Variants in SUGCT observed in about 807,000 individuals in gnomAD.
SUGCT encodes succinyl-CoA:glutarate-CoA transferase, also known as succinyl-CoA:glutarate CoA-transferase.
A neutral mutation model predicts 55.0 loss-of-function variants in SUGCT; 41 were observed. The observed-to-expected ratio is 0.74, with a 90% CI of 0.58 to 0.97. The LOEUF is 0.97. SUGCT is among the 50% of genes least tolerant of loss of function. The pLI is 0.00. For synonymous variants in SUGCT, 187 were observed against 200.4 expected (o/e 0.93, Z 0.56); for missense variants, 568 against 547.8 (o/e 1.04, Z -0.37).
intron 13 of SUGCT, among the ~76,000 whole-genome samples, chr7:40,856,023 A>G (rs1794150569): frequency 1.3e-5 from 2 of 152,224 alleles, no homozygotes; most frequent in South Asian, 2.1e-4. Context: ...TCTTAGTCCT[A>G]TTTCTAGTCC....
chr7:40,336,353 A>T (rs908120382), intron 9 of SUGCT, among the ~76,000 whole-genome samples: 2 of 152,180 alleles, frequency 1.3e-5, no homozygotes, highest in African/African-American at 4.8e-5. Flanking sequence ...CTCTGGTAGA[A>T]TTCGGCTGTG....
chr7:40,552,356 A>G (rs1795342415), intron 12 of SUGCT, among the ~76,000 whole-genome samples: 1 of 152,058 alleles, frequency 6.6e-6, no homozygotes, highest in Non-Finnish European at 1.5e-5. Flanking sequence ...TTCCTGTTGC[A>G]TGCTTTTTTC....
rs185072028 is a variant in SUGCT at position 40,406,871 on chromosome 7, A to G, written c.817-42416A>G. 1.1e-4 allele frequency among the ~76,000 whole-genome samples: 16 copies of G among 152,288 alleles called. No homozygotes were observed. The East Asian group carries it at 3.1e-3, about 29-fold the overall frequency. On this transcript the variant is annotated intron_variant, in intron 9 of 13. Coordinates refer to ENST00000335693, the MANE Select transcript of SUGCT (RefSeq NM_001193313.2). ...ACAGCTGAGAGAATTCTGAATTTTT[A>G]CAATGATCATTTGGCATGGGACTAG...
intron 8 of SUGCT, among the ~76,000 whole-genome samples, chr7:40,292,251 G>T (rs1256238715): frequency 6.6e-6 from 1 of 152,074 alleles, no homozygotes; most frequent in Non-Finnish European, 1.5e-5. Flanking sequence ...TATATTTTAG[G>T]TGGATTTTCA....
chr7:40,343,932 A>G (rs1797183740), intron 9 of SUGCT, among the ~76,000 whole-genome samples: 1 of 152,230 alleles, frequency 6.6e-6, no homozygotes, highest in Non-Finnish European at 1.5e-5. Context: ...CTGGGATTAC[A>G]GGCGTGAGTC....
At chr7:40,214,623 T>C (rs763240678) in intron 6 of SUGCT, among the ~76,000 whole-genome samples, 3 of 151,938 alleles carry the variant, frequency 2.0e-5, no homozygotes, top group Non-Finnish European at 4.4e-5. Flanking sequence ...TCAGTGAAAG[T>C]AGAAATTATG....
chr7:40,526,612 G>T (rs897375773), intron 12 of SUGCT, among the ~76,000 whole-genome samples: 3 of 152,154 alleles, frequency 2.0e-5, no homozygotes, highest in Non-Finnish European at 4.4e-5. Flanking sequence ...AGAACCAGTG[G>T]TTTGGGAGGG....
At chr7:40,465,656 A>G (rs1406801294) in intron 11 of SUGCT, among the ~76,000 whole-genome samples, 1 of 152,082 alleles carries the variant, frequency 6.6e-6, no homozygotes, top group Non-Finnish European at 1.5e-5. Context: ...TAAGTTGATC[A>G]TTTTTAAAAT....
chr7:40,473,811 T>C (rs761172244), intron 11 of SUGCT, among the ~76,000 whole-genome samples: 7 of 152,186 alleles, frequency 4.6e-5, no homozygotes, highest in Non-Finnish European at 1.0e-4. Context: ...AGTTTTATAA[T>C]TTGGTGCATG....
chr7:40,627,230 C>T (rs1799564872), intron 12 of SUGCT, among the ~76,000 whole-genome samples: 2 of 152,296 alleles, frequency 1.3e-5, no homozygotes, highest in Non-Finnish European at 1.5e-5. Flanking sequence ...GCAACAAAAG[C>T]AGAGATGTAT....
intron 12 of SUGCT, among the ~76,000 whole-genome samples, chr7:40,650,291 T>C (rs1177977941): frequency 6.6e-6 from 1 of 152,130 alleles, no homozygotes; most frequent in Non-Finnish European, 1.5e-5. Flanking sequence ...TTCTATTCAT[T>C]AGAAGGGGAT....
chr7:40,399,685 A>T (rs1417233781), intron 9 of SUGCT, among the ~76,000 whole-genome samples: 2 of 152,182 alleles, frequency 1.3e-5, no homozygotes, highest in Admixed American at 1.3e-4. Flanking sequence ...AAATGAGCAT[A>T]TTAGCTTATT....
At chr7:40,898,486 G>T in the SUGCT span, among the ~76,000 whole-genome samples, 24 of 91,654 alleles carry the variant, frequency 2.6e-4, 3 homozygotes, top group East Asian at 1.2e-3. Context: ...AGGTCGGGGG[G>T]GGGGGGGGGG....
intron 12 of SUGCT, among the ~76,000 whole-genome samples, chr7:40,645,889 T>G (rs1395785980): frequency 3.3e-5 from 5 of 152,180 alleles, no homozygotes; most frequent in Admixed American, 6.5e-5. Context: ...TTCCACGTTT[T>G]CATCCTGAGC....
At chr7:40,630,856 G>C (rs1252712814) in intron 12 of SUGCT, among the ~76,000 whole-genome samples, 5 of 135,144 alleles carry the variant, frequency 3.7e-5, no homozygotes, top group Non-Finnish European at 7.8e-5. Context: ...GTGTTTGTGT[G>C]TGTAGATGTA....
intron 12 of SUGCT, among the ~76,000 whole-genome samples, chr7:40,665,301 G>T (rs1801561498): frequency 6.6e-6 from 1 of 151,988 alleles, no homozygotes; most frequent in South Asian, 2.1e-4. Context: ...AATTAGCCAA[G>T]CATTGTGGCG....
At chr7:40,159,473 C>T (rs2159487) in intron 1 of SUGCT, among the ~76,000 whole-genome samples, 21,894 of 150,860 alleles carry the variant, frequency 0.15, 2,071 homozygotes, top group Middle Eastern at 0.27. Flanking sequence ...TGGGTTCAAG[C>T]GATTCCCCTG....
At chr7:40,923,477 G>A in the SUGCT span, among the ~76,000 whole-genome samples, 16 of 152,138 alleles carry the variant, frequency 1.1e-4, no homozygotes, top group East Asian at 3.9e-4. Context: ...AAGCTCTTAG[G>A]TAGAGAGTCA....
At chr7:40,212,443 T>C (rs922701083) in intron 6 of SUGCT, among the ~76,000 whole-genome samples, 2 of 151,930 alleles carry the variant, frequency 1.3e-5, no homozygotes, top group Admixed American at 1.3e-4. Context: ...AAAAAAGATA[T>C]ATGCCCCAAA....
Sources: allele counts gnomAD v4.1 joint callset (sites outside exome capture counted in the v4.1 genomes callset), GRCh38; gene constraint gnomAD v4.1.1; transcripts MANE v1.5; gene names NCBI Gene and HGNC (gene_info 2026-07-23, HGNC 2026-07-21).